Variants in KANSL1 observed in about 807,000 individuals in gnomAD.
The protein encoded by KANSL1 is KAT8 regulatory NSL complex subunit 1.
In KANSL1, 22 loss-of-function variants were observed where a neutral mutation model predicts 103.6. The observed-to-expected ratio is 0.21, with a 90% CI of 0.15 to 0.30. The LOEUF (loss-of-function observed/expected upper bound fraction) is 0.30, where lower values mean the gene tolerates loss of function less well. Among genes scored for constraint, KANSL1 ranks in the 10% least tolerant of loss-of-function variants. KANSL1 has a pLI of 1.00. For missense variants in KANSL1, 1,337 were observed against 1,399.8 expected (o/e 0.96, Z 0.72); for synonymous variants, 600 against 527.6 (o/e 1.14, Z -1.88).
At position 46,125,004 on chromosome 17, in the gene KANSL1, A is replaced by AAAGGG. The variant is rs150649471; in HGVS notation, c.1290-30308_1290-30304dup. Among the ~76,000 whole-genome samples the AAAGGG allele has an allele frequency of 4.8e-3, 472 of 98,438 alleles. 10 individuals are homozygous for AAAGGG. Among genetic ancestry groups the AAAGGG allele is most frequent in the Non-Finnish European group, 7.7e-3 (342 of 44,148 alleles). The allele number at this position is 98,438 out of a possible 152,430, so 64.6% of individuals were successfully genotyped here. On this transcript the variant is annotated intron_variant, in intron 2 of 14. Transcript: ENST00000432791. The stretch of plus-strand genomic sequence containing the variant: ...TAGAAGGAAAGAAAGGGAAGGAAAG[A>AAAGGG]AAGGGAAGGGAAGGGAAGGGAGGGG...
rs1181227880 is a variant in KANSL1, at chr17:46,203,713, C to A, written c.-90+19958G>T. On this transcript the variant is annotated intron_variant, in intron 1 of 14. Coordinates refer to the KANSL1 transcript ENST00000572904. ...TTTTCTGAAGCTTGCCTAAATCATCCCAGGAATGCTAAAATTGGGTGTTAT... is the reference window on the plus strand; with the variant it reads ...TTTTCTGAAGCTTGCCTAAATCATCACAGGAATGCTAAAATTGGGTGTTAT... 2.6e-5 allele frequency among the ~76,000 whole-genome samples: 4 copies of A among 152,244 alleles called. No individual in the cohort carries two copies. In the East Asian group the frequency reaches 7.7e-4, roughly 29 times the overall value.
chr17:46,195,136 G>C (rs1258120871), upstream of KANSL1, among the ~76,000 whole-genome samples: 1 of 152,228 alleles, frequency 6.6e-6, no homozygotes, highest in African/African-American at 2.4e-5. Flanking sequence ...AAATACAGTA[G>C]AAGGGTATTG....
chr17:46,121,619 T>C (rs1436020740), intron 2 of KANSL1, among the ~76,000 whole-genome samples: 2 of 152,206 alleles, frequency 1.3e-5, no homozygotes, highest in East Asian at 3.8e-4. Context: ...TTTTTCTGCA[T>C]AGCATTTGCT....
intron 2 of KANSL1, among the ~76,000 whole-genome samples, chr17:46,152,100 G>C (rs983837427): frequency 9.2e-5 from 14 of 152,246 alleles, no homozygotes; most frequent in African/African-American, 3.4e-4. Flanking sequence ...TTAACTGGGT[G>C]AGAGTCCTCA....
intron 4 of KANSL1, among the ~76,000 whole-genome samples, chr17:46,081,961 T>C (rs1201136560): frequency 2.6e-5 from 4 of 152,194 alleles, no homozygotes; most frequent in African/African-American, 7.2e-5. Context: ...GGAATCACAG[T>C]AGAGCTAGGA....
intron 1 of KANSL1, among the ~76,000 whole-genome samples, chr17:46,215,833 G>T (rs540389858): frequency 6.6e-6 from 1 of 152,134 alleles, no homozygotes; most frequent in East Asian, 1.9e-4. Context: ...CTGAGGTCAG[G>T]AGTTCAAGCC....
chr17:46,173,742 C>T (rs2046392902), intron 1 of KANSL1, among the ~76,000 whole-genome samples: 1 of 152,224 alleles, frequency 6.6e-6, no homozygotes, highest in East Asian at 1.9e-4. Flanking sequence ...ATACTCTCCA[C>T]TCAGTTTTTC....
chr17:46,140,230 G>A (rs570111881), intron 2 of KANSL1, among the ~76,000 whole-genome samples: 20 of 152,010 alleles, frequency 1.3e-4, no homozygotes, highest in South Asian at 4.1e-4. Context: ...CTATACAACC[G>A]GAAAAAATTT....
intron 6 of KANSL1, among the ~76,000 whole-genome samples, chr17:46,054,122 A>AG (rs1213438454): frequency 1.3e-5 from 2 of 152,100 alleles, no homozygotes; most frequent in Non-Finnish European, 2.9e-5. Flanking sequence ...GTCTCTTAAA[A>AG]GAAAAAAAAA....
chr17:46,071,532 G>GA (rs1365636929), intron 4 of KANSL1, among the ~76,000 whole-genome samples: 5 of 152,204 alleles, frequency 3.3e-5, no homozygotes, highest in African/African-American at 4.8e-5. Flanking sequence ...TCTCCCTTGA[G>GA]AAAAAATGAA....
At chr17:46,070,894 G>A (rs756032960) in intron 4 of KANSL1, among the ~76,000 whole-genome samples, 2 of 152,112 alleles carry the variant, frequency 1.3e-5, no homozygotes, top group Non-Finnish European at 2.9e-5. Context: ...GGGATTATGA[G>A]ATTTAACTGC....
In KANSL1 at chr17:46,190,486, T is replaced by A. The variant is rs571678423; in HGVS notation, c.-90+2337A>T. Reference sequence around the variant, plus strand: ...AGATGCAAGAAAACTTCTAAAATACTTCACTTCAGTGGACTCATATAGATG... The same window carrying A: ...AGATGCAAGAAAACTTCTAAAATACATCACTTCAGTGGACTCATATAGATG... On this transcript the variant is annotated intron_variant, in intron 1 of 14. Coordinates refer to ENST00000432791, the MANE Select transcript of KANSL1 (RefSeq NM_015443.4). 1.5e-3 allele frequency among the ~76,000 whole-genome samples: 236 copies of A among 152,348 alleles called. 2 individuals carry two copies. The highest frequency in any genetic ancestry group is 5.5e-3 in the African/African-American group (229 of 41,562).
At chr17:46,091,812 A>AGTATGTATGTATGTATGTATGTAG (rs149207902) in intron 3 of KANSL1, among the ~76,000 whole-genome samples, 1 of 151,506 alleles carries the variant, frequency 6.6e-6, no homozygotes, top group Non-Finnish European at 1.5e-5. Flanking sequence ...TATATATGTA[A>AGTATGTATGTATGTATGTATGTAG]GTATGTATGT....
chr17:46,120,069 G>A (rs1160677645), intron 2 of KANSL1: 2 of 152,112 alleles, frequency 1.3e-5, no homozygotes, highest in African/African-American at 4.8e-5. Context: ...AAGAGAGAGG[G>A]GTGGAAAGGA....
intron 2 of KANSL1, among the ~76,000 whole-genome samples, chr17:46,134,127 G>C (rs1046561338): frequency 6.6e-6 from 1 of 152,236 alleles, no homozygotes; most frequent in Non-Finnish European, 1.5e-5. Context: ...GCCTGGCGTG[G>C]TGGCTCACGC....
At chr17:46,035,066 A>G (rs755342810) in intron 10 of KANSL1, 1 of 152,278 alleles carries the variant, frequency 6.6e-6, no homozygotes, top group Non-Finnish European at 1.5e-5. Context: ...AAGCATCTAC[A>G]GTAGCTGGGA....
chr17:46,163,313 A>G (rs1234878237), intron 2 of KANSL1, among the ~76,000 whole-genome samples: 10 of 152,232 alleles, frequency 6.6e-5, no homozygotes, highest in Admixed American at 6.5e-4. Context: ...GTCTCTACAG[A>G]GCAACTCCTC....
At chr17:46,153,265 T>C (rs1408462450) in intron 2 of KANSL1, among the ~76,000 whole-genome samples, 3 of 152,238 alleles carry the variant, frequency 2.0e-5, no homozygotes, top group African/African-American at 7.2e-5. Flanking sequence ...CACGAATAAT[T>C]ATAAAACTAT....
chr17:46,166,860 G>A (rs533636054), intron 2 of KANSL1, among the ~76,000 whole-genome samples: 1 of 152,314 alleles, frequency 6.6e-6, no homozygotes, highest in East Asian at 1.9e-4. Flanking sequence ...ATTCTTGGCT[G>A]CACATCTTTC....
Sources: allele counts gnomAD v4.1 joint callset (sites outside exome capture counted in the v4.1 genomes callset), GRCh38; gene constraint gnomAD v4.1.1; transcripts MANE v1.5; gene names NCBI Gene and HGNC (gene_info 2026-07-23, HGNC 2026-07-21).